Variants in RIMS2 observed in about 807,000 individuals in gnomAD.
RIMS2 encodes regulating synaptic membrane exocytosis protein 2.
Under a neutral mutation model 174.4 loss-of-function variants are expected in RIMS2, and 59 were observed. The observed-to-expected ratio is 0.34, with a 90% CI of 0.27 to 0.42. The LOEUF (loss-of-function observed/expected upper bound fraction) is 0.42, where lower values mean the gene tolerates loss of function less well. Ranked by LOEUF, RIMS2 falls within the 10% of genes least tolerant of loss-of-function variation. RIMS2 has a pLI of 1.00. For missense variants in RIMS2, 1,620 were observed against 1,666.3 expected (o/e 0.97, Z 0.48); for synonymous variants, 606 against 572.5 (o/e 1.06, Z -0.84).
chr8:104,236,322 A>C (rs1224618689), intron 19 of RIMS2, among the ~76,000 whole-genome samples: 1 of 152,058 alleles, frequency 6.6e-6, no homozygotes, highest in Non-Finnish European at 1.5e-5. Flanking sequence ...TTTCTGGAGT[A>C]ATACTTTGGT....
At chr8:103,834,676 TTTTCTTTCTTTCTTTCTTTC>T (rs71297240) in intron 3 of RIMS2, among the ~76,000 whole-genome samples, 12,529 of 119,922 alleles carry the variant, frequency 0.1, 823 homozygotes, top group East Asian at 0.25. Context: ...TCTGAGGTCT[TTTTCTTTCTTTCTTTCTTTC>T]TTTCTTTCTT....
intron 1 of RIMS2, among the ~76,000 whole-genome samples, chr8:103,519,276 C>A (rs1830482638): frequency 6.6e-6 from 1 of 151,996 alleles, no homozygotes; most frequent in Non-Finnish European, 1.5e-5. Flanking sequence ...GTAATTCAGA[C>A]AACATTAAAG....
chr8:104,093,522 T>C, intron 19 of RIMS2: 3 of 1,597,388 alleles, frequency 1.9e-6, no homozygotes, highest in Non-Finnish European at 2.5e-6. Context: ...TTCTACTAAA[T>C]CTTCGGACAG....
chr8:103,917,950 A>G, intron 8 of RIMS2, among the ~76,000 whole-genome samples: 1 of 152,206 alleles, frequency 6.6e-6, no homozygotes, highest in Non-Finnish European at 1.5e-5. Flanking sequence ...GCCTGGTGAC[A>G]GAGTGAGACT....
At chr8:104,002,240 G>C (rs138580262) in intron 17 of RIMS2, among the ~76,000 whole-genome samples, 1 of 151,854 alleles carries the variant, frequency 6.6e-6, no homozygotes, top group Non-Finnish European at 1.5e-5. Context: ...TTCTGTCTCA[G>C]TAGAGAATGC....
At chr8:103,883,929 C>G (rs75778295) in intron 3 of RIMS2, among the ~76,000 whole-genome samples, 1,700 of 151,846 alleles carry the variant, frequency 0.011, 40 homozygotes, top group African/African-American at 0.039. Flanking sequence ...TTTTGAGAAC[C>G]CTTGTCTTTG....
chr8:103,781,625 T>C (rs903635175), intron 3 of RIMS2, among the ~76,000 whole-genome samples: 1 of 152,114 alleles, frequency 6.6e-6, no homozygotes, highest in African/African-American at 2.4e-5. Flanking sequence ...ACTTTTTGAT[T>C]TGCATGTTCT....
At chr8:103,953,380 C>G (rs1409810402) in intron 14 of RIMS2, among the ~76,000 whole-genome samples, 1 of 152,138 alleles carries the variant, frequency 6.6e-6, no homozygotes, top group Non-Finnish European at 1.5e-5. Context: ...AAAGGGAAGC[C>G]CATCAGAGTA....
chr8:103,829,969 C>A (rs1005812092), intron 3 of RIMS2, among the ~76,000 whole-genome samples: 2 of 152,106 alleles, frequency 1.3e-5, no homozygotes, highest in African/African-American at 4.8e-5. Flanking sequence ...CAATCTTTCT[C>A]AATATGGTCA....
At chr8:103,501,794 A>G (rs1820177266) in intron 1 of RIMS2, 1 of 152,250 alleles carries the variant, frequency 6.6e-6, no homozygotes, top group Admixed American at 6.5e-5. Context: ...GATGCTCCCT[A>G]CCTTGTGAAG....
chr8:104,200,118 T>G (rs187151821), intron 19 of RIMS2, among the ~76,000 whole-genome samples: 1 of 152,116 alleles, frequency 6.6e-6, no homozygotes, highest in Admixed American at 6.5e-5. Context: ...AGAAGCAGCT[T>G]TGGACAGGAA....
At chr8:103,918,704 C>T (rs1476809459) in intron 9 of RIMS2, 4 of 511,898 alleles carry the variant, frequency 7.8e-6, no homozygotes, top group African/African-American at 5.8e-5. Flanking sequence ...TGTCTTATTA[C>T]AGATTTTTAG....
chr8:103,723,488 C>T (rs1050444733), intron 2 of RIMS2, among the ~76,000 whole-genome samples: 1 of 152,180 alleles, frequency 6.6e-6, no homozygotes, highest in Non-Finnish European at 1.5e-5. Flanking sequence ...ATGAGTAGGC[C>T]TGACTCTTGT....
intron 3 of RIMS2, among the ~76,000 whole-genome samples, chr8:103,884,103 CTG>C (rs2099185992): frequency 6.6e-6 from 1 of 151,810 alleles, no homozygotes; most frequent in Admixed American, 6.6e-5. Context: ...GATTGGCAGA[CTG>C]TGTTCCAAAT....
intron 3 of RIMS2, among the ~76,000 whole-genome samples, chr8:103,837,810 C>T (rs1200400982): frequency 6.6e-6 from 1 of 152,090 alleles, no homozygotes; most frequent in Non-Finnish European, 1.5e-5. Context: ...TGAATAGTGC[C>T]TCAATAAACA....
intron 17 of RIMS2, among the ~76,000 whole-genome samples, chr8:103,991,760 A>G (rs117120737): frequency 6.6e-5 from 10 of 152,062 alleles, no homozygotes; most frequent in African/African-American, 2.4e-4. Context: ...TTTTTATAGG[A>G]TTTGAAACCA....
intron 3 of RIMS2, among the ~76,000 whole-genome samples, chr8:103,810,373 ACT>A (rs2098678808): frequency 6.6e-6 from 1 of 152,150 alleles, no homozygotes; most frequent in South Asian, 2.1e-4. Flanking sequence ...CTTCCAACTC[ACT>A]GTTTCCCATT....
chr8:104,087,981 C>T (rs1231723297), intron 19 of RIMS2, among the ~76,000 whole-genome samples: 4 of 152,056 alleles, frequency 2.6e-5, no homozygotes, highest in Admixed American at 6.6e-5. Flanking sequence ...TAAATAAGTC[C>T]TCAAATGTCT....
At chr8:103,728,375 C>T (rs1334490301) in intron 2 of RIMS2, among the ~76,000 whole-genome samples, 1 of 152,066 alleles carries the variant, frequency 6.6e-6, no homozygotes, top group Non-Finnish European at 1.5e-5. Context: ...CATCTGTAAA[C>T]AAGTATAATT....
Sources: allele counts gnomAD v4.1 joint callset (sites outside exome capture counted in the v4.1 genomes callset), GRCh38; gene constraint gnomAD v4.1.1; transcripts MANE v1.5; gene names NCBI Gene and HGNC (gene_info 2026-07-23, HGNC 2026-07-21).